Variants in PCDHA1 observed in about 807,000 individuals in gnomAD.
The protein encoded by PCDHA1 is protocadherin alpha 1.
PCDHA1 carries 42 observed loss-of-function variants against 61.3 expected under a neutral mutation model. That is an observed-to-expected ratio of 0.69 (90% CI 0.54 to 0.89). The LOEUF (loss-of-function observed/expected upper bound fraction) is 0.89. Among genes scored for constraint, PCDHA1 ranks in the 40% least tolerant of loss-of-function variants. The pLI is 0.00. For synonymous variants in PCDHA1, 610 were observed against 553.8 expected (o/e 1.10, Z -1.43); for missense variants, 1,256 against 1,235.3 (o/e 1.02, Z -0.25).
At chr5:140,991,808 G>A (rs367660702) in intron 3 of PCDHA1, among the ~76,000 whole-genome samples, 4 of 152,074 alleles carry the variant, frequency 2.6e-5, no homozygotes, top group East Asian at 1.9e-4. Flanking sequence ...GGCCACTTCC[G>A]CATTTTTAGG....
chr5:140,854,238 G>A (rs2043048996), intron 1 of PCDHA1: 1 of 636,222 alleles, frequency 1.6e-6, no homozygotes, highest in Non-Finnish European at 2.0e-6. Flanking sequence ...GGATATTTAT[G>A]TTATCACTTG....
chr5:140,954,225 A>C (rs1554221300), intron 1 of PCDHA1, among the ~76,000 whole-genome samples: 2 of 152,242 alleles, frequency 1.3e-5, no homozygotes, highest in African/African-American at 4.8e-5. Context: ...TGCTATTGTG[A>C]ATAGTGCTGC....
chr5:140,884,403 T>A, intron 1 of PCDHA1: 1 of 1,613,992 alleles, frequency 6.2e-7, no homozygotes, highest in Middle Eastern at 1.6e-4. Context: ...AGCCTGTTGG[T>A]GCTCACGTTG....
intron 3 of PCDHA1, among the ~76,000 whole-genome samples, chr5:141,002,107 C>T (rs991036721): frequency 6.6e-6 from 1 of 152,246 alleles, no homozygotes. Context: ...GGGCCGGAAA[C>T]GGCTATAATC....
chr5:140,832,848 G>A (rs968087130), intron 1 of PCDHA1, among the ~76,000 whole-genome samples: 3 of 152,162 alleles, frequency 2.0e-5, no homozygotes, highest in Admixed American at 6.6e-5. Flanking sequence ...GAAGGAGACC[G>A]TGAAGAGTCA....
At chr5:140,993,273 T>C (rs1212746492) in intron 3 of PCDHA1, among the ~76,000 whole-genome samples, 1 of 152,176 alleles carries the variant, frequency 6.6e-6, no homozygotes, top group Non-Finnish European at 1.5e-5. Flanking sequence ...TTCTTTGGTC[T>C]TTTCTTGCCC....
intron 1 of PCDHA1, chr5:140,863,119 A>T: frequency 1.7e-6 from 1 of 591,284 alleles, no homozygotes; most frequent in Non-Finnish European, 3.3e-6. Context: ...GGCGAAAGCT[A>T]CGCGCCACCG....
intron 1 of PCDHA1, among the ~76,000 whole-genome samples, chr5:140,962,829 C>CT (rs1342441888): frequency 6.6e-6 from 1 of 152,190 alleles, no homozygotes; most frequent in East Asian, 1.9e-4. Flanking sequence ...CCATTTGTCT[C>CT]TTTTTTATTA....
intron 1 of PCDHA1, chr5:140,809,161 G>A (rs782214418): frequency 2.5e-6 from 4 of 1,613,952 alleles, no homozygotes; most frequent in African/African-American, 1.3e-5. Flanking sequence ...GCGAGCCCGC[G>A]CTGACGGCCA....
In PCDHA1 at chr5:140,853,126, G is replaced by A. The variant is rs182768558; in HGVS notation, c.2394+64442G>A. 8.6e-5 allele frequency: 48 copies of A among 560,326 alleles called. 1 individual carries two copies. In the East Asian group the frequency reaches 5.9e-3, roughly 68 times the overall value. The allele number at this position is 560,326 out of a possible 1,614,324, so 34.7% of individuals were successfully genotyped here. On this transcript the variant is annotated intron_variant, in intron 1 of 3. Coordinates refer to ENST00000504120, the MANE Select transcript of PCDHA1 (RefSeq NM_018900.4). ...GATCTCCTGACCTCATGATCCTCCC[G>A]CCTCAGCCTCCCAAAATGCTGGGAT...
intron 1 of PCDHA1, among the ~76,000 whole-genome samples, chr5:140,839,564 A>G (rs1022295415): frequency 3.3e-5 from 5 of 151,854 alleles, no homozygotes; most frequent in African/African-American, 9.7e-5. Flanking sequence ...TAATTTTTGT[A>G]TTTTTTGTAG....
intron 1 of PCDHA1, chr5:140,884,124 G>C: frequency 6.2e-7 from 1 of 1,613,344 alleles, no homozygotes; most frequent in Non-Finnish European, 8.5e-7. Flanking sequence ...GTCGGCGCGC[G>C]CATCCCGTTC....
intron 1 of PCDHA1, chr5:140,829,626 C>T (rs2150171647): frequency 1.2e-6 from 2 of 1,612,184 alleles, no homozygotes; most frequent in South Asian, 1.1e-5. Flanking sequence ...TCGGTGCACG[C>T]GGAGAGCGGC....
Position 140,849,905 on chromosome 5 carries a change from G to A in PCDHA1, c.2394+61221G>A, listed in dbSNP as rs2150456926. On this transcript the variant is annotated intron_variant, in intron 1 of 3. Coordinates refer to ENST00000504120, the MANE Select transcript of PCDHA1 (RefSeq NM_018900.4). The stretch of plus-strand genomic sequence containing the variant: ...TGTTCGTGAAGGAGAACAACCCGCC[G>A]GGCTGCCACATCTTCACGGTGTCTG... The A allele has an allele frequency of 3.4e-5, 55 of 1,598,312 alleles. 1 individual carries two copies. The highest frequency in any genetic ancestry group is 3.5e-4 in the Middle Eastern group (2 of 5,794).
chr5:140,853,597 G>A lies in PCDHA1; in HGVS notation c.2394+64913G>A, dbSNP rs2042800183. 3.0e-6 allele frequency: 3 copies of A among 986,998 alleles called. 1 individual carries two copies. The highest frequency in any genetic ancestry group is 3.7e-6 in the Non-Finnish European group (3 of 819,142). The allele number at this position is 986,998 out of a possible 1,614,324, so 61.1% of individuals were successfully genotyped here. A position where few individuals can be genotyped will look rare whatever the true frequency, so the allele number is the denominator to read the frequency against. On this transcript the variant is annotated intron_variant, in intron 1 of 3. Transcript: ENST00000504120. ...ACCCAATATCTTAGACACTTTGAGA[G>A]CAAAGGGGGTGCTGTAAATAAGTAT... is the stretch of plus-strand genomic sequence containing the variant.
At position 140,870,104 on chromosome 5, in the gene PCDHA1, C is replaced by G. The variant is rs782066407; in HGVS notation, c.2394+81420C>G. 3.1e-6 allele frequency: 5 copies of G among 1,613,930 alleles called. No individual in the cohort carries two copies. The Admixed American group carries it at 8.3e-5, about 27-fold the overall frequency. ...ACTCCCCCAATGGCAGGTCACTGTACAGTCTGGGTGGAAATCTTGGACACC... is the reference window on the plus strand; with the variant it reads ...ACTCCCCCAATGGCAGGTCACTGTAGAGTCTGGGTGGAAATCTTGGACACC... On this transcript the variant is annotated intron_variant, in intron 1 of 3. Coordinates refer to ENST00000504120, the MANE Select transcript of PCDHA1 (RefSeq NM_018900.4).
chr5:140,915,259 T>C (rs1344301014), intron 1 of PCDHA1, among the ~76,000 whole-genome samples: 1 of 152,182 alleles, frequency 6.6e-6, no homozygotes, highest in East Asian at 1.9e-4. Context: ...GTTGTTATTA[T>C]TTTTGACCAG....
chr5:140,822,315 T>C lies in PCDHA1; in HGVS notation c.2394+33631T>C, dbSNP rs145095373. ...ATCCAAACGAATATTTTGACTTAGA[T>C]GTTAAAACAAATGAAGAAGAAACGA... On this transcript the variant is annotated intron_variant, in intron 1 of 3. Coordinates refer to ENST00000504120, the MANE Select transcript of PCDHA1 (RefSeq NM_018900.4). 1.0e-4 allele frequency: 164 copies of C among 1,614,198 alleles called. No homozygotes were observed. The African/African-American group carries it at 2.0e-3, about 20-fold the overall frequency.
chr5:140,993,460 TCTCACACACACA>T (rs2097560533), intron 3 of PCDHA1, among the ~76,000 whole-genome samples: 2 of 104,506 alleles, frequency 1.9e-5, no homozygotes, highest in South Asian at 3.7e-4. Context: ...CTTCTTTCTT[TCTCACACACACA>T]CACACACACA....
Sources: allele counts gnomAD v4.1 joint callset (sites outside exome capture counted in the v4.1 genomes callset), GRCh38; gene constraint gnomAD v4.1.1; transcripts MANE v1.5; gene names NCBI Gene and HGNC (gene_info 2026-07-23, HGNC 2026-07-21).